Variants in NDUFA9 observed in about 807,000 individuals in gnomAD.
NDUFA9 encodes the protein NADH:ubiquinone oxidoreductase subunit A9, also known as NADH dehydrogenase [ubiquinone] 1 alpha subcomplex subunit 9, mitochondrial.
NDUFA9 carries 23 observed loss-of-function variants against 45.9 expected under a neutral mutation model. The observed-to-expected ratio is 0.50, with a 90% CI of 0.36 to 0.71. NDUFA9 has a LOEUF of 0.71. Among genes scored for constraint, NDUFA9 ranks in the 30% least tolerant of loss-of-function variants. NDUFA9 has a pLI of 0.00. For missense variants in NDUFA9, 466 were observed against 488.2 expected (o/e 0.95, Z 0.43); for synonymous variants, 176 against 170.5 (o/e 1.03, Z -0.25).
Position 4,687,036 on chromosome 12 carries a change from G to T in NDUFA9, c.1062G>T (p.Arg354=), listed in dbSNP as rs201530517. ...AACTCAAGGCCATTGAGGTGCTGCG[G>T]CGTCATCGCACTTACCGCTGGCTGT... The part of the protein sequence containing the change: ...PLELKAIEVL[R]RHRTYRWLSA... The change falls in exon 11 of 11, where the codon CGG becomes CGT. Residue 354 remains arginine (R), a synonymous_variant. Transcript: ENST00000266544. 2.7e-5 allele frequency: 43 copies of T among 1,614,186 alleles called. No homozygotes were observed. The Admixed American group carries it at 5.8e-4, about 22-fold the overall frequency.
chr12:4,685,147 A>AG, intron 9 of NDUFA9, 112 bp from the exon 10 acceptor site: 1 of 937,968 alleles, frequency 1.1e-6, no homozygotes, highest in Non-Finnish European at 1.7e-6. Flanking sequence ...AAAAAAAAAA[A>AG]TCAGTTCAGA....
At chr12:4,658,774 G>T (rs1051019902) in intron 4 of NDUFA9, among the ~76,000 whole-genome samples, 2 of 152,042 alleles carry the variant, frequency 1.3e-5, no homozygotes, top group African/African-American at 2.4e-5. Context: ...TTTAGAAATA[G>T]AGACAGGGTT....
At chr12:4,670,392 A>G (rs1945879240) in intron 8 of NDUFA9, among the ~76,000 whole-genome samples, 1 of 152,220 alleles carries the variant, frequency 6.6e-6, no homozygotes, top group African/African-American at 2.4e-5. Context: ...AAAGTCAAAA[A>G]CTAAGACTTC....
At chr12:4,650,228 T>A (rs1945749407) in intron 1 of NDUFA9, among the ~76,000 whole-genome samples, 1 of 151,696 alleles carries the variant, frequency 6.6e-6, no homozygotes, top group African/African-American at 2.4e-5. Context: ...GAATTAGGAG[T>A]GTTTAGAGGA....
intron 6 of NDUFA9, among the ~76,000 whole-genome samples, chr12:4,664,671 G>T (rs768114122): frequency 7.2e-5 from 11 of 152,188 alleles, no homozygotes; most frequent in Non-Finnish European, 1.3e-4. Flanking sequence ...TTGGGGTGGG[G>T]CTGCTGCCCC....
intron 8 of NDUFA9, among the ~76,000 whole-genome samples, chr12:4,680,186 C>G (rs1181161734): frequency 6.6e-6 from 1 of 151,932 alleles, no homozygotes; most frequent in Non-Finnish European, 1.5e-5. Context: ...AGAGCATTTC[C>G]TAGGAGAACA....
At chr12:4,657,413 T>TG (rs1411920825) in intron 3 of NDUFA9, 1 of 205,756 alleles carries the variant, frequency 4.9e-6, no homozygotes, top group African/African-American at 2.4e-5. Context: ...ATTGGAGACT[T>TG]GGTTTCCTGG....
intron 8 of NDUFA9, among the ~76,000 whole-genome samples, chr12:4,681,472 A>T (rs1411965320): frequency 1.3e-5 from 2 of 151,486 alleles, no homozygotes; most frequent in Non-Finnish European, 2.9e-5. Flanking sequence ...AGACATAATA[A>T]TTAAAACATG....
intron 6 of NDUFA9, among the ~76,000 whole-genome samples, chr12:4,664,098 G>T (rs535263284): frequency 6.3e-4 from 96 of 152,136 alleles, no homozygotes; most frequent in Admixed American, 2.5e-3. Context: ...AATAGAAAAA[G>T]AGAGAAAGAG....
At chr12:4,670,329 A>AT (rs1272844222) in intron 8 of NDUFA9, among the ~76,000 whole-genome samples, 1 of 152,210 alleles carries the variant, frequency 6.6e-6, no homozygotes, top group African/African-American at 2.4e-5. Flanking sequence ...CTTACCTGAA[A>AT]TTACTAAATC....
intron 8 of NDUFA9, among the ~76,000 whole-genome samples, chr12:4,678,889 T>G (rs1043618416): frequency 1.3e-5 from 2 of 152,126 alleles, no homozygotes; most frequent in African/African-American, 4.8e-5. Context: ...TTAGCATAAA[T>G]TTACCATATG....
At chr12:4,652,818 G>T (rs1565564166) in intron 1 of NDUFA9, among the ~76,000 whole-genome samples, 1 of 152,230 alleles carries the variant, frequency 6.6e-6, no homozygotes. Flanking sequence ...TTATTATTTT[G>T]TTATTATGAT....
At position 4,689,056 on chromosome 12, in the gene NDUFA9, G is replaced by A. The variant is rs1042507779; in HGVS notation, c.*1948G>A. The A allele has an allele frequency of 6.6e-5, 10 of 152,070 alleles. No homozygotes were observed. Among genetic ancestry groups the A allele is most frequent in the African/African-American group, 2.4e-4 (10 of 41,402 alleles). The allele number at this position is 152,070 out of a possible 1,614,324, so 9.4% of individuals were successfully genotyped here. ...TTTGATATATTCATATAATCAATCAGTGTAATTGGGATATCCATCACCTTA... is the reference window on the plus strand; with the variant it reads ...TTTGATATATTCATATAATCAATCAATGTAATTGGGATATCCATCACCTTA... On this transcript the variant is annotated 3_prime_UTR_variant, in exon 11 of 11. Transcript: ENST00000266544.
chr12:4,651,633 G>A (rs1227604365), intron 1 of NDUFA9, among the ~76,000 whole-genome samples: 1 of 152,162 alleles, frequency 6.6e-6, no homozygotes, highest in Admixed American at 6.5e-5. Flanking sequence ...CGTGGTTTAT[G>A]TATGTTTAAT....
At chr12:4,657,566 G>A in intron 3 of NDUFA9, 182 bp from the exon 4 acceptor site, 1 of 573,586 alleles carries the variant, frequency 1.7e-6, no homozygotes, top group Non-Finnish European at 3.1e-6. Context: ...GAAAGAGTGA[G>A]GGAATCAGCA....
At position 4,669,744 on chromosome 12, in the gene NDUFA9, G is replaced by A. The variant is rs538700956; in HGVS notation, c.727G>A (p.Val243Ile). 2.9e-5 allele frequency: 46 copies of A among 1,595,306 alleles called. No individual in the cohort carries two copies. The highest frequency in any genetic ancestry group is 6.7e-5 in the Admixed American group (4 of 59,944). ...WKTVKQPVYV[V>I]DVSKGIVNAV... Reference sequence around the variant, plus strand: ...CATATATTATAATTTCTTACAGGTCGTAGATGTATCCAAAGGAATTGTTAA... The same window carrying A: ...CATATATTATAATTTCTTACAGGTCATAGATGTATCCAAAGGAATTGTTAA... The change falls in exon 8 of 11, where the codon GTA (valine) becomes ATA (isoleucine). Residue 243 changes from valine to isoleucine, a missense_variant. Physicochemically the swap from Val to Ile is conservative, Grantham distance 29. Transcript: ENST00000266544.
chr12:4,655,221 A>G, intron 3 of NDUFA9: 1 of 283,928 alleles, frequency 3.5e-6, no homozygotes, highest in South Asian at 5.9e-5. Context: ...GTAGCCATAG[A>G]CAATATGTAC....
chr12:4,673,099 G>A (rs1945897396), intron 8 of NDUFA9, among the ~76,000 whole-genome samples: 2 of 152,192 alleles, frequency 1.3e-5, no homozygotes, highest in South Asian at 4.1e-4. Flanking sequence ...AGGGTCTGGT[G>A]TGGACCTCCA....
intron 8 of NDUFA9, 24 bp from the exon 9 acceptor site, chr12:4,682,181 G>T (rs375132122): frequency 2.7e-5 from 41 of 1,529,780 alleles, no homozygotes; most frequent in South Asian, 3.6e-5. Flanking sequence ...GTAATTGAAA[G>T]AACTGTGTAT....
Sources: allele counts gnomAD v4.1 joint callset (sites outside exome capture counted in the v4.1 genomes callset), GRCh38; gene constraint gnomAD v4.1.1; transcripts MANE v1.5; gene names NCBI Gene and HGNC (gene_info 2026-07-23, HGNC 2026-07-21).